Variants in MCTP2 observed in about 807,000 individuals in gnomAD.
MCTP2 encodes the protein multiple C2 and transmembrane domain containing 2, also known as multiple C2 and transmembrane domain-containing protein 2.
Under a neutral mutation model 111.6 loss-of-function variants are expected in MCTP2, and 132 were observed. The ratio of observed to expected loss-of-function variants is 1.18; its 90% CI spans 1.03 to 1.37. MCTP2 has a LOEUF of 1.37. Among genes scored for constraint, MCTP2 ranks in the 40% most tolerant of loss-of-function variants. The probability of loss-of-function intolerance (pLI) is 0.00; values close to 1 mark genes in which losing one functional copy is unlikely to be tolerated. For synonymous variants in MCTP2, 395 were observed against 387.7 expected, an observed-to-expected ratio of 1.02 and a Z score of -0.22; for missense variants, 1,183 against 1,067.9, an observed-to-expected ratio of 1.11 and a Z score of -1.50.
In MCTP2 at chr15:94,315,654, T is replaced by C; in HGVS notation, c.637+17T>C. On this transcript the variant is annotated intron_variant, in intron 4 of 22. Transcript: ENST00000357742. ...ATCGCTGTGGTAAGACCTGGGTCTG[T>C]TATGGTGGGTGTAGCCTGGAAACTT... 3.8e-6 allele frequency: 6 copies of C among 1,579,984 alleles called. No individual in the cohort carries two copies. Among genetic ancestry groups the C allele is most frequent in the Non-Finnish European group, 5.2e-6 (6 of 1,149,196 alleles).
chr15:94,327,188 A>G (rs963673293), intron 4 of MCTP2, among the ~76,000 whole-genome samples: 2 of 152,014 alleles, frequency 1.3e-5, no homozygotes, highest in Non-Finnish European at 2.9e-5. Context: ...ACATTCACCT[A>G]CATTTCTTCT....
intron 2 of MCTP2, among the ~76,000 whole-genome samples, chr15:94,313,920 C>T (rs959883186): frequency 1.3e-5 from 2 of 152,176 alleles, no homozygotes; most frequent in Non-Finnish European, 2.9e-5. Context: ...CGTTTCACAT[C>T]GGAGGCTGGG....
chr15:94,336,566 C>T (rs966719560), intron 4 of MCTP2, among the ~76,000 whole-genome samples: 14 of 151,872 alleles, frequency 9.2e-5, no homozygotes, highest in Non-Finnish European at 1.8e-4. Flanking sequence ...CATGATGACC[C>T]GTAGTGTCAG....
intron 17 of MCTP2, among the ~76,000 whole-genome samples, chr15:94,414,464 C>T (rs1302121891): frequency 1.3e-5 from 2 of 152,048 alleles, no homozygotes; most frequent in African/African-American, 4.8e-5. Context: ...AAATCTAATC[C>T]GTTAAAAAAT....
chr15:94,369,745 GAGAA>G (rs902288655), intron 11 of MCTP2, among the ~76,000 whole-genome samples: 5 of 152,160 alleles, frequency 3.3e-5, no homozygotes, highest in African/African-American at 1.2e-4. Flanking sequence ...TTGCATTAAT[GAGAA>G]AGAAGGGGGA....
At chr15:94,276,540 C>T (rs16948868) in intron 1 of MCTP2, among the ~76,000 whole-genome samples, 31,122 of 151,342 alleles carry the variant, frequency 0.21, 3,292 homozygotes, top group Middle Eastern at 0.24. Flanking sequence ...CATGACTCAA[C>T]CTAAACAAAG....
At chr15:94,271,917 C>T (rs1412517911) in intron 1 of MCTP2, among the ~76,000 whole-genome samples, 3 of 152,160 alleles carry the variant, frequency 2.0e-5, no homozygotes, top group Non-Finnish European at 4.4e-5. Flanking sequence ...ACTTCTTTAC[C>T]TAAGTTGGAC....
intron 1 of MCTP2, among the ~76,000 whole-genome samples, chr15:94,244,419 C>T (rs1409460881): frequency 4.0e-5 from 6 of 149,066 alleles, no homozygotes; most frequent in African/African-American, 7.4e-5. Flanking sequence ...TATATGTATA[C>T]ACATACATAT....
chr15:94,261,709 C>T (rs1312156282), intron 1 of MCTP2, among the ~76,000 whole-genome samples: 1 of 152,128 alleles, frequency 6.6e-6, no homozygotes, highest in Non-Finnish European at 1.5e-5. Context: ...TTAATTGACA[C>T]AGGTAGTGTT....
At chr15:94,266,238 G>C (rs2073522098) in intron 1 of MCTP2, among the ~76,000 whole-genome samples, 1 of 152,212 alleles carries the variant, frequency 6.6e-6, no homozygotes, top group Non-Finnish European at 1.5e-5. Flanking sequence ...TGGATTATGT[G>C]AGGGGGCCAC....
At chr15:94,254,732 C>T (rs1210462354) in intron 1 of MCTP2, among the ~76,000 whole-genome samples, 1 of 152,126 alleles carries the variant, frequency 6.6e-6, no homozygotes, top group Non-Finnish European at 1.5e-5. Context: ...GACATACTTG[C>T]TGTGAATGAA....
intron 1 of MCTP2, among the ~76,000 whole-genome samples, chr15:94,248,747 G>T (rs151142858): frequency 3.1e-3 from 475 of 152,264 alleles, no homozygotes; most frequent in African/African-American, 0.011. Flanking sequence ...GGTGAACAAT[G>T]AGCCAAAACA....
chr15:94,242,511 A>G (rs2071048374), intron 1 of MCTP2, among the ~76,000 whole-genome samples: 1 of 152,072 alleles, frequency 6.6e-6, no homozygotes, highest in African/African-American at 2.4e-5. Context: ...GTTTTTTTCT[A>G]CATTGCCTTC....
chr15:94,234,280 T>A (rs2070390625), intron 1 of MCTP2, among the ~76,000 whole-genome samples: 1 of 152,162 alleles, frequency 6.6e-6, no homozygotes, highest in African/African-American at 2.4e-5. Context: ...TTAAGAAAAT[T>A]AATACAAAAT....
intron 17 of MCTP2, among the ~76,000 whole-genome samples, chr15:94,428,026 T>C (rs1401587669): frequency 6.6e-6 from 1 of 152,242 alleles, no homozygotes; most frequent in Non-Finnish European, 1.5e-5. Context: ...CTGGACAGTC[T>C]CATTACAAAT....
At chr15:94,276,046 G>T (rs180949208) in intron 1 of MCTP2, among the ~76,000 whole-genome samples, 16 of 151,780 alleles carry the variant, frequency 1.1e-4, no homozygotes, top group African/African-American at 2.4e-5. Context: ...GGATTTCACC[G>T]TGTTAGCCAG....
At chr15:94,443,018 C>A in intron 19 of MCTP2, 58 bp downstream of exon 19, 1 of 1,404,122 alleles carries the variant, frequency 7.1e-7, no homozygotes, top group Non-Finnish European at 9.9e-7. Context: ...CAACAGATAG[C>A]ATTCCTTCAG....
chr15:94,355,066 C>G (rs1052866948), intron 8 of MCTP2, among the ~76,000 whole-genome samples: 24 of 152,316 alleles, frequency 1.6e-4, no homozygotes, highest in African/African-American at 5.5e-4. Context: ...TAACTAAATG[C>G]AGCGTGTGGA....
chr15:94,342,677 T>C (rs1334086912), intron 7 of MCTP2: 1 of 151,594 alleles, frequency 6.6e-6, no homozygotes, highest in Non-Finnish European at 1.5e-5. Flanking sequence ...TATATACACA[T>C]ATATTTATCT....
Sources: gnomAD v4.1 joint callset for allele counts (sites outside exome capture counted in the v4.1 genomes callset) on GRCh38, gnomAD v4.1.1 for gene constraint, MANE v1.5 for transcripts, NCBI Gene and HGNC (gene_info 2026-07-23, HGNC 2026-07-21) for gene names.